The following CATSPERE variants were observed in gnomAD, a reference collection of about 807,000 sequenced individuals.
The protein encoded by CATSPERE is catsper channel auxiliary subunit epsilon, also known as cation channel sperm-associated auxiliary subunit epsilon.
In CATSPERE, 93 loss-of-function variants were observed where a neutral mutation model predicts 114.1. That is an observed-to-expected ratio of 0.81 (90% CI 0.69 to 0.97). The LOEUF is 0.97. CATSPERE is among the 50% of genes least tolerant of loss of function. The probability of loss-of-function intolerance (pLI) is 0.00; values close to 1 mark genes in which losing one functional copy is unlikely to be tolerated. For missense variants in CATSPERE, 1,058 were observed against 1,131.6 expected (o/e 0.93, Z 0.93); for synonymous variants, 341 against 384.1 (o/e 0.89, Z 1.31).
At chr1:244,489,023 G>T (rs568400738) in intron 5 of CATSPERE, among the ~76,000 whole-genome samples, 9 of 152,318 alleles carry the variant, frequency 5.9e-5, no homozygotes, top group Non-Finnish European at 1.0e-4. Context: ...ATGAGGCACT[G>T]ACTTTTAGAG....
chr1:244,564,268 G>GT (rs1370998773), intron 10 of CATSPERE, among the ~76,000 whole-genome samples: 2 of 152,136 alleles, frequency 1.3e-5, no homozygotes, highest in Admixed American at 6.6e-5. Flanking sequence ...ATTTAAAGTA[G>GT]TTTTTTCTAA....
intron 8 of CATSPERE, among the ~76,000 whole-genome samples, chr1:244,524,148 C>A (rs1442221495): frequency 1.3e-5 from 2 of 148,318 alleles, no homozygotes; most frequent in African/African-American, 2.6e-5. Flanking sequence ...AGATATAGAT[C>A]AATGGAACAG....
At position 244,464,677 on chromosome 1, in the gene CATSPERE, A is replaced by AT. The variant is rs935244860; in HGVS notation, c.114+731dup. ...AAAATTTGGTGTTATTAAATTTCCT[A>AT]TTTTTTTTTTACCAATCTCATTATT... is the stretch of plus-strand genomic sequence containing the variant. On this transcript the variant is annotated intron_variant, in intron 2 of 21. Transcript: ENST00000366534. Among the ~76,000 whole-genome samples the AT allele has an allele frequency of 2.8e-3, 421 of 148,178 alleles. 1 individual carries two copies. Among genetic ancestry groups the AT allele is most frequent in the African/African-American group, 7.8e-3 (314 of 40,392 alleles).
chr1:244,587,001 T>G (rs1016325301), intron 13 of CATSPERE, among the ~76,000 whole-genome samples: 31 of 152,330 alleles, frequency 2.0e-4, no homozygotes, highest in African/African-American at 7.5e-4. Context: ...AATATCTGTA[T>G]AGTAATTAAT....
intron 9 of CATSPERE, among the ~76,000 whole-genome samples, chr1:244,553,417 TG>T (rs1558483880): frequency 1.3e-5 from 2 of 151,030 alleles, no homozygotes; most frequent in Non-Finnish European, 3.0e-5. Context: ...GGCGCAGTGG[TG>T]GGTGCCTGTA....
chr1:244,576,069 A>G (rs998638405), intron 11 of CATSPERE, among the ~76,000 whole-genome samples: 5 of 152,052 alleles, frequency 3.3e-5, no homozygotes, highest in Non-Finnish European at 5.9e-5. Flanking sequence ...CTGACCACCA[A>G]GGAAATACTT....
intron 7 of CATSPERE, chr1:244,515,406 G>A (rs1030433726): frequency 2.0e-5 from 15 of 736,542 alleles, no homozygotes; most frequent in Non-Finnish European, 2.5e-5. Flanking sequence ...CAGCAGTGTA[G>A]TTTTGAACAT....
intron 6 of CATSPERE, among the ~76,000 whole-genome samples, chr1:244,496,957 A>G (rs1673192311): frequency 6.6e-6 from 1 of 152,240 alleles, no homozygotes; most frequent in Admixed American, 6.5e-5. Context: ...TGAAGGTAGC[A>G]TCTCAAATCC....
At chr1:244,535,092 A>C (rs956761486) in intron 8 of CATSPERE, among the ~76,000 whole-genome samples, 1 of 152,052 alleles carries the variant, frequency 6.6e-6, no homozygotes, top group Admixed American at 6.6e-5. Context: ...CTCTTCTCTT[A>C]CTTTCTGCCA....
intron 11 of CATSPERE, among the ~76,000 whole-genome samples, chr1:244,580,500 T>C (rs759544988): frequency 3.3e-5 from 5 of 152,118 alleles, no homozygotes; most frequent in Non-Finnish European, 5.9e-5. Flanking sequence ...ATTTGTTTTT[T>C]AAAAATGAAT....
chr1:244,464,674 C>A (rs543883678), intron 2 of CATSPERE, among the ~76,000 whole-genome samples: 43 of 152,064 alleles, frequency 2.8e-4, no homozygotes, highest in African/African-American at 1.0e-3. Context: ...TATTAAATTT[C>A]CTATTTTTTT....
chr1:244,462,057 T>A (rs2148063716), intron 1 of CATSPERE, among the ~76,000 whole-genome samples: 1 of 152,180 alleles, frequency 6.6e-6, no homozygotes, highest in South Asian at 2.1e-4. Flanking sequence ...CCTTAAGTGA[T>A]CCTCCTGCCG....
Position 244,620,405 on chromosome 1 carries a change from T to C in CATSPERE, c.2648+2719T>C, listed in dbSNP as rs555904473. ...GAAAAGGGAAGATTCCAGTTTCCCA[T>C]CTCTCATTCACTTCAGAATAGAAGC... On this transcript the variant is annotated intron_variant, in intron 20 of 21. Coordinates refer to ENST00000366534, the MANE Select transcript of CATSPERE (RefSeq NM_001130957.2). Among the ~76,000 whole-genome samples the C allele has an allele frequency of 4.1e-4, 63 of 152,286 alleles. 2 individuals are homozygous for C. Among genetic ancestry groups the C allele is most frequent in the African/African-American group, 1.5e-3 (62 of 41,554 alleles).
intron 7 of CATSPERE, among the ~76,000 whole-genome samples, chr1:244,513,326 A>G (rs1204182975): frequency 6.6e-6 from 1 of 152,114 alleles, no homozygotes; most frequent in Non-Finnish European, 1.5e-5. Context: ...CAGTAAATCC[A>G]CATGGTGGAA....
chr1:244,486,803 G>A (rs1276143352), intron 5 of CATSPERE, among the ~76,000 whole-genome samples: 10 of 76,756 alleles, frequency 1.3e-4, no homozygotes, highest in Admixed American at 4.9e-4. Flanking sequence ...TGGGCCAGGT[G>A]TAGACCCTCG....
chr1:244,457,741 C>G (rs1370511142), upstream of CATSPERE, among the ~76,000 whole-genome samples: 2 of 152,104 alleles, frequency 1.3e-5, no homozygotes, highest in African/African-American at 4.8e-5. Context: ...TAAATTATGT[C>G]TCTTTCTAAC....
At chr1:244,557,453 G>A (rs1158873107) in intron 9 of CATSPERE, among the ~76,000 whole-genome samples, 1 of 137,390 alleles carries the variant, frequency 7.3e-6, no homozygotes, top group Non-Finnish European at 1.6e-5. Flanking sequence ...TTACCTTCTT[G>A]GTCAAATTTA....
intron 17 of CATSPERE, among the ~76,000 whole-genome samples, chr1:244,602,473 C>T (rs1391678631): frequency 1.3e-5 from 2 of 152,098 alleles, no homozygotes; most frequent in Non-Finnish European, 2.9e-5. Context: ...AATGCCTTAA[C>T]GTTATAGGGA....
In CATSPERE at chr1:244,573,991, G is replaced by A. The variant is rs1664867713; in HGVS notation, c.1950+1219G>A. ...TGCAGAAAGGGTGCTCCTCACAGATGGAACAATGGCAAGAGTGCACCTGAA... is the reference window on the plus strand; with the variant it reads ...TGCAGAAAGGGTGCTCCTCACAGATAGAACAATGGCAAGAGTGCACCTGAA... On this transcript the variant is annotated intron_variant, in intron 11 of 21. Coordinates refer to ENST00000366534, the MANE Select transcript of CATSPERE (RefSeq NM_001130957.2). The surrounding 1 kb of genome is among the most constrained non-coding windows in gnomAD (Gnocchi z 4.0). Among the ~76,000 whole-genome samples, 1 of 152,140 alleles carries A rather than the reference G, an allele frequency of 6.6e-6. No individual in the cohort carries two copies. Among genetic ancestry groups the A allele is most frequent in the African/African-American group, 2.4e-5 (1 of 41,438 alleles).
Sources: allele counts gnomAD v4.1 joint callset (sites outside exome capture counted in the v4.1 genomes callset), GRCh38; gene constraint gnomAD v4.1.1; non-coding constraint Gnocchi (gnomAD v3.1); transcripts MANE v1.5; gene names NCBI Gene and HGNC (gene_info 2026-07-23, HGNC 2026-07-21).